Variants in TRIM55 observed in about 807,000 individuals in gnomAD.
TRIM55 encodes tripartite motif containing 55, also known as tripartite motif-containing protein 55.
TRIM55 carries 50 observed loss-of-function variants against 60.9 expected under a neutral mutation model. That is an observed-to-expected ratio of 0.82 (90% CI 0.65 to 1.04). The LOEUF (loss-of-function observed/expected upper bound fraction) is 1.04. TRIM55 is among the 50% of genes least tolerant of loss of function. The pLI is 0.00. For synonymous variants in TRIM55, 237 were observed against 238.1 expected, an observed-to-expected ratio of 1.00 and a Z score of 0.04; for missense variants, 681 against 666.9, an observed-to-expected ratio of 1.02 and a Z score of -0.23.
intron 2 of TRIM55, among the ~76,000 whole-genome samples, chr8:66,130,568 G>GT (rs574525184): frequency 2.7e-5 from 4 of 150,314 alleles, no homozygotes; most frequent in Admixed American, 2.0e-4. Flanking sequence ...GGGTCGGGGG[G>GT]GGTGACCAAT....
intron 4 of TRIM55, among the ~76,000 whole-genome samples, chr8:66,139,393 G>A (rs767814642): frequency 1.6e-4 from 25 of 152,230 alleles, no homozygotes; most frequent in Non-Finnish European, 2.8e-4. Flanking sequence ...AAATGCAAAT[G>A]ATTAGGGCTC....
At chr8:66,127,501 G>C in intron 1 of TRIM55, 65 bp downstream of exon 1, 2 of 1,571,044 alleles carry the variant, frequency 1.3e-6, no homozygotes, top group East Asian at 2.2e-5. Flanking sequence ...TTGGAATCAA[G>C]TGCTTAACAT....
chr8:66,157,652 C>T (rs745613130), intron 9 of TRIM55, among the ~76,000 whole-genome samples: 2 of 152,194 alleles, frequency 1.3e-5, no homozygotes, highest in Non-Finnish European at 2.9e-5. Flanking sequence ...ATCTCAGGCT[C>T]ACTTGCTGAT....
chr8:66,156,046 G>A (rs1408512957), intron 9 of TRIM55, among the ~76,000 whole-genome samples: 2 of 152,162 alleles, frequency 1.3e-5, no homozygotes, highest in South Asian at 2.1e-4. Context: ...TCCATAATGC[G>A]GTGAGGACTT....
At chr8:66,166,955 AG>A (rs1225761390) in intron 9 of TRIM55, among the ~76,000 whole-genome samples, 1 of 152,206 alleles carries the variant, frequency 6.6e-6, no homozygotes, top group Non-Finnish European at 1.5e-5. Context: ...TCACAAGAAC[AG>A]GTGGGTCGTT....
intron 3 of TRIM55, 35 bp downstream of exon 3, chr8:66,135,190 C>T (rs766570178): frequency 6.2e-7 from 1 of 1,610,968 alleles, no homozygotes; most frequent in Non-Finnish European, 8.5e-7. Flanking sequence ...CGCAACCCCT[C>T]CCCATCCCCA....
chr8:66,139,161 G>C (rs993445030), intron 4 of TRIM55, among the ~76,000 whole-genome samples: 13 of 152,128 alleles, frequency 8.5e-5, no homozygotes, highest in African/African-American at 3.1e-4. Flanking sequence ...ATACAATTTG[G>C]TCATAACACC....
At chr8:66,135,418 C>A (rs185489954) in intron 3 of TRIM55, among the ~76,000 whole-genome samples, 1 of 152,188 alleles carries the variant, frequency 6.6e-6, no homozygotes, top group Non-Finnish European at 1.5e-5. Context: ...CAGAACGGCA[C>A]GATCCCTGTT....
In TRIM55 at chr8:66,127,152, C is replaced by T. The variant is rs993348374; in HGVS notation, c.-117C>T. 7.7e-6 allele frequency: 9 copies of T among 1,168,280 alleles called. No individual in the cohort carries two copies. In the South Asian group the frequency reaches 1.4e-4, roughly 18 times the overall value. 72.4% of individuals were successfully genotyped at this position (1,168,280 alleles called of 1,614,324 possible). A position where few individuals can be genotyped will look rare whatever the true frequency, so the allele number is the denominator to read the frequency against. On this transcript the variant is annotated 5_prime_UTR_variant, in exon 1 of 10. Transcript: ENST00000315962. ...CCAGGGCCTGAAACAATGTCCTCCA[C>T]CGAGAGAAACGTAAAGGACACTTGA...
intron 4 of TRIM55, among the ~76,000 whole-genome samples, chr8:66,140,293 C>T (rs920487122): frequency 1.4e-4 from 22 of 152,334 alleles, no homozygotes; most frequent in Non-Finnish European, 2.2e-4. Context: ...TTAAGGGCAG[C>T]GAATAGTGGG....
At chr8:66,134,920 C>T (rs1243078535) in intron 2 of TRIM55, 70 bp from the exon 3 acceptor site, 3 of 1,492,424 alleles carry the variant, frequency 2.0e-6, no homozygotes, top group Non-Finnish European at 2.8e-6. Context: ...GGCAGAGCAA[C>T]ATCAGCTCTG....
intron 2 of TRIM55, among the ~76,000 whole-genome samples, chr8:66,133,197 A>C (rs1809268414): frequency 6.6e-6 from 1 of 152,156 alleles, no homozygotes; most frequent in Non-Finnish European, 1.5e-5. Context: ...TTCCTCTGCC[A>C]CTCAGGAGTG....
rs117792315 is a variant in TRIM55 at position 66,153,737 on chromosome 8, T to C, written c.1237-310T>C. Among the ~76,000 whole-genome samples the C allele has an allele frequency of 1.1e-3, 169 of 152,326 alleles. 3 individuals are homozygous for C. The East Asian group carries it at 0.03, about 27-fold the overall frequency. The stretch of plus-strand genomic sequence containing the variant: ...ATTCTAGTCAATAGTTTGACCCTTT[T>C]CCCATATCTGATATTTTATAACCAA... On this transcript the variant is annotated intron_variant, in intron 8 of 9. Coordinates refer to ENST00000315962, the MANE Select transcript of TRIM55 (RefSeq NM_184085.2).
chr8:66,128,496 C>G lies in TRIM55; in HGVS notation c.341+20C>G, dbSNP rs539857288. The G allele has an allele frequency of 6.2e-7, 1 of 1,607,476 alleles. No homozygotes were observed. Among genetic ancestry groups the G allele is most frequent in the South Asian group, 1.1e-5 (1 of 89,668 alleles). On this transcript the variant is annotated intron_variant, in intron 2 of 9. Transcript: ENST00000315962. ...CACCAGGTAACACTCTTCCACTCTT[C>G]CATGTGTCAAGCCCATCTGAAACTT...
At chr8:66,155,220 AG>A (rs1810672668) in intron 9 of TRIM55, among the ~76,000 whole-genome samples, 1 of 152,264 alleles carries the variant, frequency 6.6e-6, no homozygotes. Context: ...CTCAAAAATC[AG>A]ACAATGACTT....
At chr8:66,122,708 G>T (rs894203566), upstream of TRIM55, among the ~76,000 whole-genome samples, 4 of 152,082 alleles carry the variant, frequency 2.6e-5, no homozygotes, top group African/African-American at 9.7e-5. Flanking sequence ...GCCATTATGG[G>T]AAGATCACAC....
the TRIM55 span, chr8:66,114,503 T>C: frequency 2.2e-6 from 1 of 452,150 alleles, no homozygotes; most frequent in South Asian, 1.6e-5. Flanking sequence ...CAGATTGCCG[T>C]CACATGTATT....
chr8:66,165,219 C>T (rs916197699), intron 9 of TRIM55, among the ~76,000 whole-genome samples: 3 of 152,148 alleles, frequency 2.0e-5, no homozygotes, highest in African/African-American at 7.2e-5. Flanking sequence ...CCTTTGTGAG[C>T]CCCGCATCTC....
intron 4 of TRIM55, 22 bp from the exon 5 acceptor site, chr8:66,149,623 C>T (rs1810293439): frequency 1.9e-6 from 3 of 1,565,510 alleles, no homozygotes; most frequent in Middle Eastern, 3.3e-4. Context: ...TACTTTCTAA[C>T]ATTAGCTAAC....
Sources: allele counts gnomAD v4.1 joint callset (sites outside exome capture counted in the v4.1 genomes callset), GRCh38; gene constraint gnomAD v4.1.1; transcripts MANE v1.5; gene names NCBI Gene and HGNC (gene_info 2026-07-23, HGNC 2026-07-21).